DOCK2: variants seen among roughly 807,000 people sequenced by gnomAD.
DOCK2 encodes the protein dedicator of cytokinesis protein 2.
DOCK2 carries 87 observed loss-of-function variants against 248.9 expected under a neutral mutation model. That is an observed-to-expected ratio of 0.35 (90% confidence interval 0.29 to 0.42). The LOEUF (loss-of-function observed/expected upper bound fraction) is 0.42. Among genes scored for constraint, DOCK2 ranks in the 10% least tolerant of loss-of-function variants. The pLI is 1.00. For synonymous variants in DOCK2, 805 were observed against 821.6 expected, an observed-to-expected ratio of 0.98 and a Z score of 0.35; for missense variants, 1,747 against 2,300.2, an observed-to-expected ratio of 0.76 and a Z score of 4.92.
At chr5:169,910,831 C>T (rs963890940) in intron 27 of DOCK2, among the ~76,000 whole-genome samples, 6 of 152,228 alleles carry the variant, frequency 3.9e-5, no homozygotes, top group African/African-American at 1.2e-4. Flanking sequence ...GTCACTGGCT[C>T]CAGCCCCCAG....
chr5:170,020,649 C>A (rs774268824), intron 33 of DOCK2, among the ~76,000 whole-genome samples: 8 of 152,246 alleles, frequency 5.3e-5, no homozygotes, highest in Non-Finnish European at 8.8e-5. Context: ...TGCTGAAAGT[C>A]ACAATCAAGA....
chr5:170,062,282 A>G (rs1447698469), intron 44 of DOCK2, among the ~76,000 whole-genome samples: 1 of 152,060 alleles, frequency 6.6e-6, no homozygotes, highest in African/African-American at 2.4e-5. Flanking sequence ...GATGACCAAG[A>G]AGACAATTAG....
chr5:169,712,178 T>C lies in DOCK2; in HGVS notation c.1614T>C (p.Asp538=). The C allele has an allele frequency of 6.2e-7, 1 of 1,614,106 alleles. No individual in the cohort carries two copies. The highest frequency in any genetic ancestry group is 1.1e-5 in the South Asian group (1 of 91,086). Residue 538 remains aspartate (D), a synonymous_variant, in exon 17 of 52, where the codon GAT becomes GAC. Transcript: ENST00000520908. ...AMSYVKLMKE[D]GTTLHDGFHD... ...CCTATGTGAAGCTGATGAAAGAAGATGGGACTACTCTACACGATGGATTCC... is the reference window on the plus strand; with the variant it reads ...CCTATGTGAAGCTGATGAAAGAAGACGGGACTACTCTACACGATGGATTCC...
chr5:169,998,909 C>T (rs1171126553), intron 30 of DOCK2, among the ~76,000 whole-genome samples: 1 of 152,190 alleles, frequency 6.6e-6, no homozygotes, highest in Non-Finnish European at 1.5e-5. Flanking sequence ...GGCCTGCAGG[C>T]TCTGGTCATG....
At chr5:169,883,044 T>C (rs1397706875) in intron 27 of DOCK2, 12 of 1,551,570 alleles carry the variant, frequency 7.7e-6, no homozygotes, top group Non-Finnish European at 7.8e-6. Flanking sequence ...CTTTGTCATC[T>C]GAGTTGTCTT....
chr5:169,670,746 A>G, intron 4 of DOCK2, 149 bp downstream of exon 4: 2 of 908,312 alleles, frequency 2.2e-6, no homozygotes, highest in Non-Finnish European at 3.4e-6. Context: ...CCTTTCCGTT[A>G]CTCAATGGGA....
At chr5:169,717,624 G>T in intron 21 of DOCK2, 140 bp downstream of exon 21, 6 of 768,542 alleles carry the variant, frequency 7.8e-6, no homozygotes, top group South Asian at 1.6e-5. Context: ...TCTAACCTAT[G>T]CTTGGGTTAT....
rs181214180 is a variant in DOCK2, at chr5:169,693,648, G to A, written c.844-2155G>A. Among the ~76,000 whole-genome samples, 254 of 152,250 alleles carry A rather than the reference G, an allele frequency of 1.7e-3. 1 individual carries two copies. Among genetic ancestry groups the A allele is most frequent in the African/African-American group, 5.4e-3 (226 of 41,546 alleles). On this transcript the variant is annotated intron_variant, in intron 9 of 51. Transcript: ENST00000520908. Reference sequence around the variant, plus strand: ...ATGCCTGCAGAAGAAGGCAAGGGATGCAGATGATGGGGTGGGGGGTCTTTC... The same window carrying A: ...ATGCCTGCAGAAGAAGGCAAGGGATACAGATGATGGGGTGGGGGGTCTTTC...
intron 30 of DOCK2, among the ~76,000 whole-genome samples, chr5:170,004,450 T>A (rs1754946185): frequency 6.6e-6 from 1 of 152,232 alleles, no homozygotes; most frequent in Non-Finnish European, 1.5e-5. Flanking sequence ...TTTTCATGTA[T>A]TTTTTGGCTG....
chr5:169,837,542 G>A (rs1438650621), intron 26 of DOCK2, among the ~76,000 whole-genome samples: 1 of 152,154 alleles, frequency 6.6e-6, no homozygotes, highest in African/African-American at 2.4e-5. Context: ...GCAAACCAAG[G>A]GGAACGTGAG....
At chr5:169,940,620 T>G (rs1359143312) in intron 27 of DOCK2, among the ~76,000 whole-genome samples, 1 of 152,200 alleles carries the variant, frequency 6.6e-6, no homozygotes, top group Non-Finnish European at 1.5e-5. Context: ...TCATTAGGCA[T>G]TAGATTCTCA....
At chr5:169,931,128 C>T (rs1206624284) in intron 27 of DOCK2, among the ~76,000 whole-genome samples, 11 of 152,178 alleles carry the variant, frequency 7.2e-5, no homozygotes, top group Non-Finnish European at 1.3e-4. Context: ...GCTACTAACA[C>T]CCTTGATCTT....
intron 27 of DOCK2, among the ~76,000 whole-genome samples, chr5:169,936,578 C>CTTTTTT (rs4041977): frequency 8.1e-5 from 10 of 122,816 alleles, no homozygotes; most frequent in East Asian, 4.8e-4. Context: ...TCTCAGACTC[C>CTTTTTT]TTTTTTTTTT....
chr5:169,883,105 G>C (rs1772758298), intron 27 of DOCK2: 1 of 1,551,510 alleles, frequency 6.4e-7, no homozygotes, highest in African/African-American at 1.4e-5. Flanking sequence ...TGTGTGGCTG[G>C]CAACGCTGGT....
chr5:170,030,305 CA>C (rs1756084834), intron 34 of DOCK2, among the ~76,000 whole-genome samples: 1 of 152,048 alleles, frequency 6.6e-6, no homozygotes, highest in African/African-American at 2.4e-5. Context: ...ATGATTTTTG[CA>C]CAAAACAAAT....
At position 169,714,102 on chromosome 5, in the gene DOCK2, G is replaced by A. The variant is rs762335652; in HGVS notation, c.1734G>A (p.Lys578=). Residue 578 remains lysine (K), a synonymous_variant, in exon 18 of 52, where the codon AAG becomes AAA. Transcript: ENST00000520908. ...CTTATCGACACCATGTGGAAAACAAGGGGGCCACGCTGAGCAGGAGCTCCA... is the reference window on the plus strand; with the variant it reads ...CTTATCGACACCATGTGGAAAACAAAGGGGCCACGCTGAGCAGGAGCTCCA... ...LPSYRHHVEN[K]GATLSRSSSS... is the part of the protein sequence containing the mutation. 6 of 1,613,634 alleles carry A rather than the reference G, an allele frequency of 3.7e-6. No homozygotes were observed. In the Admixed American group the frequency reaches 1.0e-4, roughly 27 times the overall value.
At chr5:169,899,886 A>G (rs1161875007) in intron 27 of DOCK2, among the ~76,000 whole-genome samples, 37 of 152,194 alleles carry the variant, frequency 2.4e-4, no homozygotes, top group Non-Finnish European at 1.5e-5. Context: ...GCCCTAATTA[A>G]TGCTATCAGG....
At chr5:169,686,225 C>A (rs1396186927) in intron 8 of DOCK2, among the ~76,000 whole-genome samples, 3 of 152,202 alleles carry the variant, frequency 2.0e-5, no homozygotes, top group Non-Finnish European at 4.4e-5. Context: ...CGAGAGGAAA[C>A]AGTATGGGGC....
At chr5:169,791,381 C>T (rs1766329079) in intron 25 of DOCK2, among the ~76,000 whole-genome samples, 1 of 152,252 alleles carries the variant, frequency 6.6e-6, no homozygotes, top group Admixed American at 6.5e-5. Flanking sequence ...ACTAAAGACT[C>T]AACCACTGAG....
Sources: allele counts gnomAD v4.1 joint callset (sites outside exome capture counted in the v4.1 genomes callset), GRCh38; gene constraint gnomAD v4.1.1; transcripts MANE v1.5; gene names NCBI Gene and HGNC (gene_info 2026-07-23, HGNC 2026-07-21).